Variants in COL5A1 observed in about 807,000 individuals in gnomAD.
The protein encoded by COL5A1 is collagen alpha-1(V) chain.
In COL5A1, 16 loss-of-function variants were observed where a neutral mutation model predicts 263.7. That is an observed-to-expected ratio of 0.06 (90% CI 0.04 to 0.09). The LOEUF (loss-of-function observed/expected upper bound fraction) is 0.09. Among genes scored for constraint, COL5A1 ranks in the 10% least tolerant of loss-of-function variants. The probability of loss-of-function intolerance (pLI) is 1.00; values close to 1 mark genes in which losing one functional copy is unlikely to be tolerated. For synonymous variants in COL5A1, 1,012 were observed against 1,004.5 expected (o/e 1.01, Z -0.14); for missense variants, 2,036 against 2,540.5 (o/e 0.80, Z 4.27).
chr9:134,830,143 C>T (rs765218878), intron 64 of COL5A1, 99 bp downstream of exon 64: 13 of 1,612,170 alleles, frequency 8.1e-6, no homozygotes, highest in Non-Finnish European at 1.1e-5. Context: ...AGCAGCCTTC[C>T]ACCTGGTATA....
chr9:134,767,904 TC>T (rs753619328), intron 24 of COL5A1, among the ~76,000 whole-genome samples: 48 of 152,278 alleles, frequency 3.2e-4, no homozygotes, highest in East Asian at 2.7e-3. Flanking sequence ...TGCATGAGAA[TC>T]CCCGGGGGGC....
intron 35 of COL5A1, 119 bp from the exon 36 acceptor site, chr9:134,796,729 C>A: frequency 1.0e-6 from 1 of 966,044 alleles, no homozygotes; most frequent in Non-Finnish European, 1.7e-6. Flanking sequence ...GGAGGAAAGG[C>A]CATGGGGGTG....
At chr9:134,809,346 G>A (rs2132839103) in intron 43 of COL5A1, 56 bp downstream of exon 43, 1 of 1,364,362 alleles carries the variant, frequency 7.3e-7, no homozygotes, top group Non-Finnish European at 1.0e-6. Context: ...ACGGGTGTGG[G>A]GGAGGGTGGT....
At chr9:134,760,092 C>CACACACCCACACTCATACATGCA (rs1836268328) in intron 18 of COL5A1, among the ~76,000 whole-genome samples, 1 of 122,294 alleles carries the variant, frequency 8.2e-6, no homozygotes, top group African/African-American at 3.5e-5. Flanking sequence ...GCATACACGC[C>CACACACCCACACTCATACATGCA]CACACACCCC....
intron 4 of COL5A1, among the ~76,000 whole-genome samples, chr9:134,723,028 C>T (rs1834519658): frequency 6.6e-6 from 1 of 152,174 alleles, no homozygotes; most frequent in African/African-American, 2.4e-5. Context: ...GGGGCAGCAG[C>T]AGGTAGCTGT....
In COL5A1 at chr9:134,700,160, AG is replaced by A. The variant is rs1833619441; in HGVS notation, c.491+44del. 1.9e-6 allele frequency: 3 copies of A among 1,572,996 alleles called. 1 individual carries two copies. The South Asian group carries it at 3.3e-5, about 17-fold the overall frequency. On this transcript the variant is annotated intron_variant, in intron 3 of 65. Coordinates refer to ENST00000371817, the MANE Select transcript of COL5A1 (RefSeq NM_000093.5). This position sits in a 1 kb window ranked among gnomAD's most constrained non-coding sequence, Gnocchi z 4.0. ...TTCTGGGCAACTGTCCCCCTGCTGG[AG>A]GGGGGATCAGGCCAGCTCATACCAC...
At chr9:134,745,999 T>C (rs963784409) in intron 11 of COL5A1, among the ~76,000 whole-genome samples, 9 of 152,166 alleles carry the variant, frequency 5.9e-5, no homozygotes, top group South Asian at 2.1e-4. Flanking sequence ...GGACTCATCA[T>C]TGGATTTAGG....
chr9:134,650,316 A>G (rs1482007632), intron 1 of COL5A1, among the ~76,000 whole-genome samples: 1 of 152,038 alleles, frequency 6.6e-6, no homozygotes, highest in Admixed American at 6.5e-5. Flanking sequence ...ATTGGAAGCG[A>G]CCGTCTTCCA....
At chr9:134,658,610 G>T (rs986531694) in intron 1 of COL5A1, among the ~76,000 whole-genome samples, 3 of 152,162 alleles carry the variant, frequency 2.0e-5, no homozygotes, top group African/African-American at 7.2e-5. Context: ...CCGGAGAGGG[G>T]CTATAGTCCG....
chr9:134,722,501 G>A (rs1409240128), intron 4 of COL5A1, among the ~76,000 whole-genome samples: 1 of 152,154 alleles, frequency 6.6e-6, no homozygotes, highest in African/African-American at 2.4e-5. Context: ...TGCCGGACAC[G>A]CCCATGATCC....
rs558102537 is a variant in COL5A1, at chr9:134,783,877, C to A, written c.2485-1112C>A. 5.3e-5 allele frequency among the ~76,000 whole-genome samples: 8 copies of A among 152,300 alleles called. No individual in the cohort carries two copies. In the East Asian group the frequency reaches 1.5e-3, roughly 29 times the overall value. ...GAATCCCCACATCCCAGCGGCTTCT[C>A]GGTTTGATGGTGAAAGTCCTTTTCT... On this transcript the variant is annotated intron_variant, in intron 29 of 65. Coordinates refer to ENST00000371817, the MANE Select transcript of COL5A1 (RefSeq NM_000093.5).
chr9:134,699,837 TGCAGAGAGCCATG>T (rs1833605570), intron 2 of COL5A1, 59 bp from the exon 3 acceptor site: 1 of 1,481,774 alleles, frequency 6.7e-7, no homozygotes, highest in African/African-American at 1.4e-5. Context: ...CTGGCTTGTT[TGCAGAGAGCCATG>T]GCTGGGTGTG....
intron 16 of COL5A1, 58 bp from the exon 17 acceptor site, chr9:134,756,706 CG>C: frequency 6.4e-6 from 10 of 1,561,718 alleles, no homozygotes; most frequent in Non-Finnish European, 8.8e-6. Flanking sequence ...AACCATGGCC[CG>C]GGGGTCTCAG....
chr9:134,685,940 ACCAT>A (rs146827064), intron 1 of COL5A1, among the ~76,000 whole-genome samples: 27,983 of 146,204 alleles, frequency 0.19, 2,968 homozygotes, highest in Admixed American at 0.24. Context: ...CCATCCATCC[ACCAT>A]CCATCCATCC....
Position 134,642,220 on chromosome 9 carries a change from C to A in COL5A1, c.33C>A (p.Ser11Arg). 2 of 1,300,856 alleles carry A rather than the reference C, an allele frequency of 1.5e-6. No individual in the cohort carries two copies. The highest frequency in any genetic ancestry group is 2.0e-6 in the Non-Finnish European group (2 of 1,021,348). 80.6% of individuals were successfully genotyped at this position (1,300,856 alleles called of 1,614,324 possible). The change falls in exon 1 of 66, where the codon AGC (serine) becomes AGA (arginine). Residue 11 changes from serine (S) to arginine (R), a missense_variant. Physicochemically the swap from Ser to Arg is moderately radical, Grantham distance 110. This residue lies in a region of COL5A1 where 600 missense variants were observed against 634.5 expected (regional missense o/e 0.95). Transcript: ENST00000371817. The surrounding 1 kb of genome is among the most constrained non-coding windows in gnomAD (Gnocchi z 4.5). The part of the protein sequence containing the change: MDVHTRWKAR[S>R]ALRPGAPLLP... ...TCCATACCCGCTGGAAAGCGCGCAG[C>A]GCGCTCCGCCCGGGCGCCCCGCTGC...
At chr9:134,785,908 C>T (rs922531159) in intron 30 of COL5A1, 87 bp from the exon 31 acceptor site, 160 of 1,275,494 alleles carry the variant, frequency 1.3e-4, no homozygotes, top group Non-Finnish European at 1.7e-4. Context: ...CAGGCCCCTG[C>T]CAGAACGCAT....
chr9:134,791,972 C>T (rs1029469500), intron 32 of COL5A1, among the ~76,000 whole-genome samples: 2 of 152,144 alleles, frequency 1.3e-5, no homozygotes, highest in African/African-American at 4.8e-5. Context: ...GTCATAGGCA[C>T]CAGGGTCTGA....
At chr9:134,827,368 C>G (rs1027706316) in intron 63 of COL5A1, among the ~76,000 whole-genome samples, 1 of 152,224 alleles carries the variant, frequency 6.6e-6, no homozygotes, top group Admixed American at 6.5e-5. Context: ...TCCCCTCCCC[C>G]ACCTGAAGTT....
At chr9:134,710,463 G>C (rs2132593922) in intron 4 of COL5A1, among the ~76,000 whole-genome samples, 1 of 151,876 alleles carries the variant, frequency 6.6e-6, no homozygotes, top group East Asian at 1.9e-4. Flanking sequence ...GTGCAGTGGT[G>C]GGGGAGGGGC....
Sources: gnomAD v4.1 joint callset for allele counts (sites outside exome capture counted in the v4.1 genomes callset) on GRCh38, gnomAD v4.1.1 for gene constraint, gnomAD v4.1.1 regional missense constraint, Gnocchi (gnomAD v3.1) non-coding constraint, MANE v1.5 for transcripts, NCBI Gene and HGNC (gene_info 2026-07-23, HGNC 2026-07-21) for gene names.